NCAM1: variants seen among roughly 807,000 people sequenced by gnomAD.
NCAM1 encodes neural cell adhesion molecule 1.
In NCAM1, 14 loss-of-function variants were observed where a neutral mutation model predicts 109.8. That is an observed-to-expected ratio of 0.13 (90% CI 0.08 to 0.20). The LOEUF is 0.20. NCAM1 is among the 10% of genes least tolerant of loss of function. NCAM1 has a pLI of 1.00. For missense variants in NCAM1, 774 were observed against 1,109.9 expected (o/e 0.70, Z 4.30); for synonymous variants, 418 against 442.9 (o/e 0.94, Z 0.70).
chr11:113,041,979 C>A (rs141793155), intron 1 of NCAM1, among the ~76,000 whole-genome samples: 229 of 152,316 alleles, frequency 1.5e-3, no homozygotes, highest in African/African-American at 4.9e-3. Flanking sequence ...CTTTCTCTTT[C>A]TTTCTAATTT....
chr11:113,170,030 CTT>C (rs1425371399), intron 1 of NCAM1, among the ~76,000 whole-genome samples: 2 of 152,184 alleles, frequency 1.3e-5, no homozygotes, highest in South Asian at 2.1e-4. Flanking sequence ...TCCTACAACT[CTT>C]TTGTAGATCA....
intron 1 of NCAM1, among the ~76,000 whole-genome samples, chr11:113,067,003 C>CAAAAAA (rs34002848): frequency 9.6e-6 from 1 of 103,700 alleles, no homozygotes; most frequent in African/African-American, 3.8e-5. Context: ...GAACCCCTCT[C>CAAAAAA]AAAAAAAAAA....
Position 112,995,468 on chromosome 11 carries a change from TA to T in NCAM1, c.52+33807del, listed in dbSNP as rs1264802791. 9.2e-5 allele frequency among the ~76,000 whole-genome samples: 14 copies of T among 152,358 alleles called. No homozygotes were observed. In the East Asian group the frequency reaches 2.5e-3, roughly 27 times the overall value. On this transcript the variant is annotated intron_variant, in intron 1 of 19. Coordinates refer to ENST00000316851, the MANE Select transcript of NCAM1 (RefSeq NM_181351.5). The stretch of plus-strand genomic sequence containing the variant: ...CTAACTTAAGAGTCTTGTGGTGGCA[TA>T]AACTAATGTTTACAACAGTACTTTT...
chr11:113,025,719 CAAAAA>C (rs57264295), intron 1 of NCAM1, among the ~76,000 whole-genome samples: 1 of 99,760 alleles, frequency 1.0e-5, no homozygotes, highest in Admixed American at 9.6e-5. Context: ...CCACATCTCA[CAAAAA>C]AAAAAAAAAG....
intron 1 of NCAM1, among the ~76,000 whole-genome samples, chr11:113,153,574 A>C (rs1325007726): frequency 2.0e-5 from 3 of 152,086 alleles, no homozygotes; most frequent in Non-Finnish European, 4.4e-5. Context: ...TAAGAATATG[A>C]ATGAAAGAAC....
At chr11:113,231,383 G>A in intron 9 of NCAM1, 2 of 1,282,048 alleles carry the variant, frequency 1.6e-6, no homozygotes, top group Non-Finnish European at 2.2e-6. Context: ...AACCAATCTT[G>A]GTACTTAGAT....
intron 1 of NCAM1, among the ~76,000 whole-genome samples, chr11:113,160,904 C>T (rs1316554070): frequency 1.3e-5 from 2 of 152,116 alleles, no homozygotes; most frequent in South Asian, 2.1e-4. Flanking sequence ...CTTGTCTGTT[C>T]CCTGATAGTT....
At chr11:113,214,951 T>C (rs1353150528) in intron 8 of NCAM1, among the ~76,000 whole-genome samples, 2 of 152,260 alleles carry the variant, frequency 1.3e-5, no homozygotes, top group African/African-American at 4.8e-5. Flanking sequence ...TGTATACTCA[T>C]GCTATATATG....
At chr11:113,201,064 T>A (rs1391728700) in intron 1 of NCAM1, among the ~76,000 whole-genome samples, 3 of 152,112 alleles carry the variant, frequency 2.0e-5, no homozygotes, top group Non-Finnish European at 4.4e-5. Flanking sequence ...CTCCTTCCCT[T>A]TTCCATCCCT....
chr11:113,132,386 C>T (rs17114942), intron 1 of NCAM1, among the ~76,000 whole-genome samples: 3,480 of 152,258 alleles, frequency 0.023, 132 homozygotes, highest in African/African-American at 0.079. Context: ...AGGACAGGTT[C>T]CTTCAATTCA....
In NCAM1 at chr11:113,220,904, C is replaced by T. The variant is rs186682028; in HGVS notation, c.1060-392C>T. Among the ~76,000 whole-genome samples, 7 of 152,158 alleles carry T rather than the reference C, an allele frequency of 4.6e-5. No individual in the cohort carries two copies. In the East Asian group the frequency reaches 5.8e-4, roughly 13 times the overall value. The stretch of plus-strand genomic sequence containing the variant: ...GATTACAGGCATGAGCAACCGCACC[C>T]GGCCAGAGGAGACCTACTCTCTTAA... On this transcript the variant is annotated intron_variant, in intron 8 of 19. Coordinates refer to ENST00000316851, the MANE Select transcript of NCAM1 (RefSeq NM_181351.5).
At chr11:113,099,412 C>T (rs1337096267) in intron 1 of NCAM1, among the ~76,000 whole-genome samples, 2 of 152,216 alleles carry the variant, frequency 1.3e-5, no homozygotes, top group African/African-American at 4.8e-5. Flanking sequence ...GAGTTTATCA[C>T]TCCACGGTTG....
intron 15 of NCAM1, 29 bp downstream of exon 15, chr11:113,246,399 T>C (rs1316476337): frequency 1.4e-6 from 1 of 735,162 alleles, no homozygotes; most frequent in African/African-American, 1.7e-5. Flanking sequence ...ATTAGTGAAA[T>C]AAATCTGGGA....
chr11:113,075,309 A>G (rs954567984), intron 1 of NCAM1, among the ~76,000 whole-genome samples: 3 of 152,048 alleles, frequency 2.0e-5, no homozygotes, highest in Non-Finnish European at 4.4e-5. Context: ...GGCTCAAGAG[A>G]TCCTCCCACC....
In NCAM1 at chr11:112,996,470, C is replaced by T. The variant is rs1565371631; in HGVS notation, c.52+34806C>T. Among the ~76,000 whole-genome samples, 4 of 152,242 alleles carry T rather than the reference C, an allele frequency of 2.6e-5. No homozygotes were observed. In the South Asian group the frequency reaches 6.2e-4, roughly 24 times the overall value. ...ACTGATATGACATAACGTACTTAAC[C>T]TTTCACTGTTATAAATTGGCTTGTT... is the stretch of plus-strand genomic sequence containing the variant. On this transcript the variant is annotated intron_variant, in intron 1 of 19. Transcript: ENST00000316851.
rs145848731 is a variant in NCAM1 at position 113,064,571 on chromosome 11, A to G, written c.52+102907A>G. 1.0e-3 allele frequency among the ~76,000 whole-genome samples: 155 copies of G among 152,272 alleles called. 1 individual carries two copies. The highest frequency in any genetic ancestry group is 3.4e-3 in the Middle Eastern group (1 of 294). The stretch of plus-strand genomic sequence containing the variant: ...ATGTTAGATTCTGTTTTAAAAATTT[A>G]AATACATCATCTCATTTAATTCTCC... On this transcript the variant is annotated intron_variant, in intron 1 of 19. Transcript: ENST00000316851.
intron 7 of NCAM1, among the ~76,000 whole-genome samples, chr11:113,209,715 T>C (rs1944335405): frequency 6.6e-6 from 1 of 152,218 alleles, no homozygotes; most frequent in Non-Finnish European, 1.5e-5. Context: ...ATGAATAACA[T>C]GGACTCTGTT....
At chr11:113,025,009 A>G (rs1555076924) in intron 1 of NCAM1, among the ~76,000 whole-genome samples, 1 of 152,224 alleles carries the variant, frequency 6.6e-6, no homozygotes. Flanking sequence ...TTAAAATCTC[A>G]TTGGAAGTAA....
intron 1 of NCAM1, among the ~76,000 whole-genome samples, chr11:113,005,495 G>C (rs971975391): frequency 6.6e-6 from 1 of 152,168 alleles, no homozygotes; most frequent in African/African-American, 2.4e-5. Flanking sequence ...CTGAGTACAA[G>C]GAAGGAGATT....
Sources: allele counts gnomAD v4.1 joint callset (sites outside exome capture counted in the v4.1 genomes callset), GRCh38; gene constraint gnomAD v4.1.1; transcripts MANE v1.5; gene names NCBI Gene and HGNC (gene_info 2026-07-23, HGNC 2026-07-21).